The following IQSEC2 variants were observed in gnomAD, a reference collection of about 807,000 sequenced individuals.
The protein encoded by IQSEC2 is IQ motif and Sec7 domain ArfGEF 2.
IQSEC2 carries 6 observed loss-of-function variants against 74.6 expected under a neutral mutation model. The ratio of observed to expected loss-of-function variants is 0.08; its 90% CI spans 0.04 to 0.16. IQSEC2 has a LOEUF of 0.16. Among genes scored for constraint, IQSEC2 ranks in the 10% least tolerant of loss-of-function variants. The pLI is 1.00. For synonymous variants in IQSEC2, 494 were observed against 544.5 expected (o/e 0.91, Z 1.29); for missense variants, 734 against 1,306.2 (o/e 0.56, Z 6.75).
intron 8 of IQSEC2, among the ~76,000 whole-genome samples, chrX:53,244,398 C>T (rs1468682631): frequency 9.2e-6 from 1 of 108,460 alleles, no homozygotes; most frequent in Admixed American, 9.9e-5. Flanking sequence ...TGGTGGCACA[C>T]ACCTGTGGCC....
At chrX:53,235,673 A>G in intron 14 of IQSEC2, 110 bp downstream of exon 14, 1 of 828,247 alleles carries the variant, frequency 1.2e-6, no homozygotes, top group Non-Finnish European at 1.8e-6. Context: ...AGGCAGCCGC[A>G]TGGTTCCCAG....
At chrX:53,229,194 A>G (rs1230844315), downstream of IQSEC2, 1 of 111,981 alleles carries the variant, frequency 8.9e-6, no homozygotes, top group Admixed American at 9.5e-5. Flanking sequence ...GGCTCCTTGG[A>G]AGGGCTCAGA....
intron 1 of IQSEC2, among the ~76,000 whole-genome samples, chrX:53,302,985 C>G (rs1372775322): frequency 1.8e-5 from 2 of 111,120 alleles, no homozygotes; most frequent in Non-Finnish European, 3.8e-5. Flanking sequence ...GGAAGACTGC[C>G]TCAGCCCAAG....
At chrX:53,280,491 G>A (rs930615679) in intron 2 of IQSEC2, among the ~76,000 whole-genome samples, 2 of 110,621 alleles carry the variant, frequency 1.8e-5, no homozygotes, top group Admixed American at 9.5e-5. Flanking sequence ...GGGTGAGGGC[G>A]GAGGAGGCTG....
chrX:53,299,547 T>C (rs957268317), intron 1 of IQSEC2, among the ~76,000 whole-genome samples: 2 of 111,204 alleles, frequency 1.8e-5, no homozygotes, highest in Non-Finnish European at 3.8e-5. Flanking sequence ...CTGTTTTAAG[T>C]GGAAGGAAGT....
chrX:53,251,665 G>A (rs940480694), intron 4 of IQSEC2, among the ~76,000 whole-genome samples: 6 of 112,063 alleles, frequency 5.4e-5, no homozygotes, highest in Non-Finnish European at 7.5e-5. Context: ...CCTGCCTCCT[G>A]GTATTCACAC....
intron 2 of IQSEC2, among the ~76,000 whole-genome samples, chrX:53,282,909 G>A (rs1225358417): frequency 1.8e-5 from 2 of 111,670 alleles, no homozygotes; most frequent in Non-Finnish European, 3.8e-5. Flanking sequence ...ATTAAGTGTA[G>A]TGCTGGGCCG....
At position 53,317,370 on chromosome X, in the gene IQSEC2, C is replaced by G. The variant is rs1441518615; in HGVS notation, c.707+3047G>C. 2.7e-5 allele frequency among the ~76,000 whole-genome samples: 3 copies of G among 111,384 alleles called. No homozygotes were observed. The East Asian group carries it at 8.5e-4, about 32-fold the overall frequency. ...TGGAACCTGTCCAGAGGGGACGGTGCAGGAGGATATGGGAATCCTGGGTGG... is the reference window on the plus strand; with the variant it reads ...TGGAACCTGTCCAGAGGGGACGGTGGAGGAGGATATGGGAATCCTGGGTGG... On this transcript the variant is annotated intron_variant, in intron 1 of 14. Transcript: ENST00000642864.
rs782080818 is a variant in IQSEC2 at position 53,254,562 on chromosome X, T to G, written c.1369A>C (p.Ile457Leu). Residue 457 changes from isoleucine to leucine, a missense_variant, in exon 4 of 15, where the codon ATC (isoleucine) becomes CTC (leucine). By Grantham distance (5) the Ile-to-Leu change is conservative. This residue lies in a region of IQSEC2 where 204 missense variants were observed against 305.4 expected (regional missense o/e 0.67). Transcript: ENST00000642864. ...VTTSGEFSND[I>L]TELEDSFSKQ... ...GAGAAGGAGTCCTCAAGTTCTGTGA[T>G]GTCATTAGAAAACTCTCCAGATGTG... The G allele has an allele frequency of 2.5e-6, 3 of 1,193,898 alleles. No homozygotes were observed. The East Asian group carries it at 8.9e-5, about 35-fold the overall frequency.
chrX:53,282,346 G>A (rs1602339226), intron 2 of IQSEC2, among the ~76,000 whole-genome samples: 2 of 113,030 alleles, frequency 1.8e-5, no homozygotes, highest in South Asian at 7.2e-4. Flanking sequence ...TAGACTCCAG[G>A]TGCCCTGGCT....
chrX:53,228,177 A>G (rs1322908360), downstream of IQSEC2, among the ~76,000 whole-genome samples: 2 of 111,708 alleles, frequency 1.8e-5, no homozygotes, highest in African/African-American at 3.3e-5. Context: ...GCCAGGTGCT[A>G]TGAAGTAGGT....
At chrX:53,250,125 C>A (rs1232891709) in intron 5 of IQSEC2, among the ~76,000 whole-genome samples, 154 bp downstream of exon 5, 1 of 111,942 alleles carries the variant, frequency 8.9e-6, no homozygotes, top group Non-Finnish European at 1.9e-5. Flanking sequence ...CACCCTGTTG[C>A]CAATCCTCTT....
chrX:53,297,661 T>C (rs909647502), intron 1 of IQSEC2, among the ~76,000 whole-genome samples: 23 of 111,724 alleles, frequency 2.1e-4, no homozygotes, highest in African/African-American at 6.8e-4. Flanking sequence ...TCGGCTTAGT[T>C]CTCTTCATAC....
intron 5 of IQSEC2, among the ~76,000 whole-genome samples, chrX:53,250,063 G>A (rs960829177): frequency 9.0e-6 from 1 of 111,614 alleles, no homozygotes; most frequent in African/African-American, 3.3e-5. Context: ...CAGCCAGCCA[G>A]GGGCAGTACT....
chrX:53,230,586 CT>C (rs781845191), downstream of IQSEC2: 17 of 115,642 alleles, frequency 1.5e-4, no homozygotes, highest in Admixed American at 4.6e-4. Flanking sequence ...GACCTTTGTC[CT>C]TTGTTTTTGT....
At chrX:53,263,589 T>C (rs969036404) in intron 2 of IQSEC2, among the ~76,000 whole-genome samples, 5 of 110,026 alleles carry the variant, frequency 4.5e-5, no homozygotes, top group Non-Finnish European at 7.6e-5. Flanking sequence ...GCTCATACTC[T>C]TCCTTTGTTT....
chrX:53,320,593 C>G lies in IQSEC2; in HGVS notation c.531G>C (p.Pro177=), dbSNP rs1198105155. 8 of 1,152,543 alleles carry G rather than the reference C, an allele frequency of 6.9e-6. No individual in the cohort carries two copies. In the Admixed American group the frequency reaches 1.1e-4, roughly 15 times the overall value. 95.0% of individuals were successfully genotyped at this position (1,152,543 alleles called of 1,213,427 possible). A position where few individuals can be genotyped will look rare whatever the true frequency, so the allele number is the denominator to read the frequency against. ...GRERGGREAG[P]AHPGREKEAG... ...CTTCCTTCTCGCGGCCCGGGTGCGC[C>G]GGCCCGGCCTCCCGCCCGCCACGCT... The change falls in exon 1 of 15, where the codon CCG becomes CCC. Residue 177 remains proline (P), a synonymous_variant. Transcript: ENST00000642864.
At chrX:53,268,347 C>T (rs782108148) in intron 2 of IQSEC2, among the ~76,000 whole-genome samples, 24 of 111,388 alleles carry the variant, frequency 2.2e-4, no homozygotes, top group Admixed American at 1.1e-3. Flanking sequence ...CGCACGCACA[C>T]GCCTTTCTCA....
chrX:53,315,337 G>A (rs782704332), intron 1 of IQSEC2, among the ~76,000 whole-genome samples: 1 of 112,350 alleles, frequency 8.9e-6, no homozygotes, highest in South Asian at 3.7e-4. Context: ...GTTGCAGTGA[G>A]TCAAGAGTGT....
Sources: allele counts gnomAD v4.1 joint callset (sites outside exome capture counted in the v4.1 genomes callset), GRCh38; gene constraint gnomAD v4.1.1; regional missense constraint gnomAD v4.1.1; transcripts MANE v1.5; gene names NCBI Gene and HGNC (gene_info 2026-07-23, HGNC 2026-07-21).